The following CYP2A7 variants were observed in gnomAD, a reference collection of about 807,000 sequenced individuals.
CYP2A7 encodes cytochrome P450 2A7.
Under a neutral mutation model 42.0 loss-of-function variants are expected in CYP2A7, and 36 were observed. That is an observed-to-expected ratio of 0.86 (90% CI 0.66 to 1.13). The LOEUF is 1.13. Ranked by LOEUF, CYP2A7 falls within the 50% of genes most tolerant of loss-of-function variation. The pLI, the probability that CYP2A7 is intolerant of heterozygous loss-of-function variation, is 0.00. For synonymous variants in CYP2A7, 260 were observed against 249.5 expected, an observed-to-expected ratio of 1.04 and a Z score of -0.40; for missense variants, 661 against 634.1, an observed-to-expected ratio of 1.04 and a Z score of -0.46.
rs369523716 is a variant in CYP2A7 at position 40,881,278 on chromosome 19, A to G, written c.343+311T>C. ...GAGAGCAACAAAAAGACAAATGAAG[A>G]CAGAGGACCAGGGCTGGAAAACAGA... On this transcript the variant is annotated intron_variant, in intron 2 of 8. Coordinates refer to ENST00000301146, the MANE Select transcript of CYP2A7 (RefSeq NM_000764.3). Among the ~76,000 whole-genome samples, 5 of 151,606 alleles carry G rather than the reference A, an allele frequency of 3.3e-5. No homozygotes were observed. The East Asian group carries it at 5.8e-4, about 18-fold the overall frequency.
Position 40,875,633 on chromosome 19 carries a change from C to A in CYP2A7, c.*60G>T. 6.2e-7 allele frequency: 1 copy of A among 1,610,254 alleles called. No individual in the cohort carries two copies. The highest frequency in any genetic ancestry group is 1.1e-5 in the South Asian group (1 of 90,824). Reference sequence around the variant, plus strand: ...TTATACCCGCCTCTTCCGCGAACCCCGCCCTGACCCCGCCTTTCCCTGGCC... The same window carrying A: ...TTATACCCGCCTCTTCCGCGAACCCAGCCCTGACCCCGCCTTTCCCTGGCC... On this transcript the variant is annotated 3_prime_UTR_variant, in exon 9 of 9. Coordinates refer to ENST00000301146, the MANE Select transcript of CYP2A7 (RefSeq NM_000764.3).
rs1321256557 is a variant in CYP2A7 at position 40,882,021 on chromosome 19, C to T, written c.180+10G>A. On this transcript the variant is annotated intron_variant, in intron 1 of 8. Coordinates refer to ENST00000301146, the MANE Select transcript of CYP2A7 (RefSeq NM_000764.3). ...CACCCTGTGCCACCCATCTTCCTGC[C>T]TTGGGACACCTTCATGATGGAGTCA... The T allele has an allele frequency of 6.2e-7, 1 of 1,610,136 alleles. No individual in the cohort carries two copies.
Position 40,878,756 on chromosome 19 carries a change from G to A in CYP2A7, c.831+4C>T. 1 of 1,611,388 alleles carries A rather than the reference G, an allele frequency of 6.2e-7. No homozygotes were observed. The highest frequency in any genetic ancestry group is 8.5e-7 in the Non-Finnish European group (1 of 1,178,200). Reference sequence around the variant, plus strand: ...ACCTCCCCGCACTGGCTGCTGGGGTGTACCTCCTGCATGTGGATGAGAAAG... The same window carrying A: ...ACCTCCCCGCACTGGCTGCTGGGGTATACCTCCTGCATGTGGATGAGAAAG... On this transcript the variant is annotated splice_donor_region_variant and intron_variant, in intron 5 of 8. Coordinates refer to ENST00000301146, the MANE Select transcript of CYP2A7 (RefSeq NM_000764.3).
chr19:40,877,727 C>T (rs1341238059), intron 6 of CYP2A7, 125 bp downstream of exon 6: 36 of 1,375,464 alleles, frequency 2.6e-5, no homozygotes, highest in Non-Finnish European at 3.5e-5. Context: ...TGAATGTTGC[C>T]CTGTCTCTGG....
At position 40,877,314 on chromosome 19, in the gene CYP2A7, C is replaced by G; in HGVS notation, c.1037G>C (p.Arg346Pro). ...TGCCTCCATGTAGGGCATCTTGGTC[C>G]GGTCCTCAAACTTGGGCTGCCGGTT... ...GKNRQPKFED[R>P]TKMPYMEAVI... Residue 346 changes from arginine (R) to proline (P), a missense_variant, in exon 7 of 9, where the codon CGG becomes CCG. Physicochemically the swap from Arg to Pro is moderately radical, Grantham distance 103 (BLOSUM62 -2). Coordinates refer to ENST00000301146, the MANE Select transcript of CYP2A7 (RefSeq NM_000764.3). 3 of 1,612,742 alleles carry G rather than the reference C, an allele frequency of 1.9e-6. No individual in the cohort carries two copies. Among genetic ancestry groups the G allele is most frequent in the East Asian group, 2.2e-5 (1 of 44,872 alleles).
At position 40,880,536 on chromosome 19, in the gene CYP2A7, C is replaced by T. The variant is rs549997563; in HGVS notation, c.436G>A (p.Glu146Lys). 8 of 1,611,924 alleles carry T rather than the reference C, an allele frequency of 5.0e-6. No homozygotes were observed. Among genetic ancestry groups the T allele is most frequent in the African/African-American group, 1.3e-5 (1 of 74,698 alleles). The change falls in exon 3 of 9, where the codon GAG becomes AAG. Residue 146 changes from glutamate (E) to lysine (K), a missense_variant. Glu to Lys is a moderately conservative substitution (Grantham distance 56). This residue lies in a region of CYP2A7 where 614 missense variants were observed against 552.4 expected (regional missense o/e 1.11). Transcript: ENST00000301146. ...CCCGACTCCTCCTGGATGCGCTCCTCGATGCCTCGCTTGCCCACCCCGAAG... is the reference window on the plus strand; with the variant it reads ...CCCGACTCCTCCTGGATGCGCTCCTTGATGCCTCGCTTGCCCACCCCGAAG... ...RDFGVGKRGI[E>K]ERIQEESGFL... is the part of the protein sequence containing the mutation.
rs773851050 is a variant in CYP2A7 at position 40,880,228 on chromosome 19, G to A, written c.510C>T (p.Pro170=). The A allele has an allele frequency of 1.9e-6, 3 of 1,612,784 alleles. No homozygotes were observed. The highest frequency in any genetic ancestry group is 2.7e-5 in the African/African-American group (2 of 74,856). ...IRSTHGANID[P]TFFLSRTVSN... ...AGACTGTGCGGCTCAGGAAGAAGGT[G>A]GGATCGATATTGGCGCCTGCGGGTG... The change falls in exon 4 of 9, where the codon CCC becomes CCT. Residue 170 remains proline, a synonymous_variant. Transcript: ENST00000301146.
rs377749463 is a variant in CYP2A7, at chr19:40,877,852, C to T, written c.973G>A (p.Ala325Thr). ...CACTTCCGTCCCCCTCCAGCCTTAC[C>T]CTCCACCTCTGGGTGCTTCATGAGC... ...LLLMKHPEVE[A>T]KVHEEIDRVI... is the part of the protein sequence containing the mutation. Residue 325 changes from alanine to threonine, a missense_variant and splice_region_variant, in exon 6 of 9, where the codon GCC becomes ACC. Physicochemically the swap from Ala to Thr is moderately conservative, Grantham distance 58. This residue lies in a region of CYP2A7 where 614 missense variants were observed against 552.4 expected (regional missense o/e 1.11). Transcript: ENST00000301146. The T allele has an allele frequency of 1.9e-5, 31 of 1,603,474 alleles. 2 individuals carry two copies. The highest frequency in any genetic ancestry group is 2.5e-5 in the Non-Finnish European group (29 of 1,175,582).
At chr19:40,878,593 C>T (rs1041262346) in intron 5 of CYP2A7, among the ~76,000 whole-genome samples, 167 bp downstream of exon 5, 5 of 151,782 alleles carry the variant, frequency 3.3e-5, no homozygotes, top group African/African-American at 1.2e-4. Flanking sequence ...CCTCGGCCTC[C>T]CAAAGTGCTG....
At chr19:40,878,658 A>C in intron 5 of CYP2A7, 102 bp downstream of exon 5, 1 of 1,479,488 alleles carries the variant, frequency 6.8e-7, no homozygotes, top group African/African-American at 1.4e-5. Flanking sequence ...TATTATGATG[A>C]GGGCTAATTT....
chr19:40,878,656 T>C (rs1010642144), intron 5 of CYP2A7, 104 bp downstream of exon 5: 12 of 1,476,374 alleles, frequency 8.1e-6, no homozygotes, highest in Non-Finnish European at 1.1e-5. Flanking sequence ...ATTATTATGA[T>C]GAGGGCTAAT....
At position 40,881,702 on chromosome 19, in the gene CYP2A7, C is replaced by T. The variant is rs200248426; in HGVS notation, c.230G>A (p.Arg77Gln). 8.1e-6 allele frequency: 13 copies of T among 1,612,518 alleles called. No individual in the cohort carries two copies. Among genetic ancestry groups the T allele is most frequent in the African/African-American group, 5.3e-5 (4 of 74,978 alleles). ...ATCATGTCCACACAGCACCACGACCCGCCGGGGCCCCAAGTGAATGGTGAA... is the reference window on the plus strand; with the variant it reads ...ATCATGTCCACACAGCACCACGACCTGCCGGGGCCCCAAGTGAATGGTGAA... ...PVFTIHLGPR[R>Q]VVVLCGHDAV... Residue 77 changes from arginine (R) to glutamine (Q), a missense_variant, in exon 2 of 9, where the codon CGG becomes CAG. Physicochemically the swap from Arg to Gln is conservative, Grantham distance 43 (BLOSUM62 1). Coordinates refer to ENST00000301146, the MANE Select transcript of CYP2A7 (RefSeq NM_000764.3).
intron 4 of CYP2A7, among the ~76,000 whole-genome samples, chr19:40,879,376 G>A (rs939104058): frequency 1.3e-5 from 2 of 151,694 alleles, no homozygotes; most frequent in Non-Finnish European, 2.9e-5. Context: ...TGGATTGGGG[G>A]CTTTTGTTCA....
chr19:40,881,703 G>A lies in CYP2A7; in HGVS notation c.229C>T (p.Arg77Trp), dbSNP rs534988246. 5.0e-6 allele frequency: 8 copies of A among 1,612,206 alleles called. No individual in the cohort carries two copies. The highest frequency in any genetic ancestry group is 1.7e-4 in the Middle Eastern group (1 of 5,812). ...PVFTIHLGPRRVVVLCGHDAV... is the reference protein window; with the variant it reads ...PVFTIHLGPRWVVVLCGHDAV... ...TCATGTCCACACAGCACCACGACCC[G>A]CCGGGGCCCCAAGTGAATGGTGAAC... Residue 77 changes from arginine to tryptophan, a missense_variant, in exon 2 of 9, where the codon CGG (arginine) becomes TGG (tryptophan). Coordinates refer to ENST00000301146, the MANE Select transcript of CYP2A7 (RefSeq NM_000764.3).
Position 40,878,911 on chromosome 19 carries a change from A to G in CYP2A7, c.680T>C (p.Met227Thr). ...TTGCTGTGGTCCTGGCAGGTGTTTC[A>G]TCACCGAAGAGAACATCTCATAGAG... ...GQLYEMFSSV[M>T]KHLPGPQQQA... Residue 227 changes from methionine to threonine, a missense_variant, in exon 5 of 9, where the codon ATG becomes ACG. Coordinates refer to ENST00000301146, the MANE Select transcript of CYP2A7 (RefSeq NM_000764.3). The G allele has an allele frequency of 6.2e-7, 1 of 1,610,010 alleles. No homozygotes were observed. The highest frequency in any genetic ancestry group is 1.1e-5 in the South Asian group (1 of 90,856).
Position 40,882,106 on chromosome 19 carries a change from C to A in CYP2A7, c.105G>T (p.Pro35=). Residue 35 remains proline, a synonymous_variant, in exon 1 of 9, where the codon CCG becomes CCT. Coordinates refer to ENST00000301146, the MANE Select transcript of CYP2A7 (RefSeq NM_000764.3). ...QQRKSRGKLP[P]GPTPLPFIGN... ...CAATGAAGGGCAGTGGGGTGGGTCC[C>A]GGAGGCAGCTTCCCCCTGCTCTTCC... 6.2e-7 allele frequency: 1 copy of A among 1,613,940 alleles called. No individual in the cohort carries two copies. Among genetic ancestry groups the A allele is most frequent in the Non-Finnish European group, 8.5e-7 (1 of 1,179,886 alleles).
At position 40,880,411 on chromosome 19, in the gene CYP2A7, A is replaced by C. The variant is rs545608187; in HGVS notation, c.493+68T>G. On this transcript the variant is annotated intron_variant, in intron 3 of 8. Transcript: ENST00000301146. ...CACCTAGTCCCCATCCGCAGGCAGA[A>C]CGCGCGCGGGTTCCTCGTCCTGGGT... 1.1e-4 allele frequency: 173 copies of C among 1,577,356 alleles called. 2 individuals carry two copies. The East Asian group carries it at 3.9e-3, about 35-fold the overall frequency.
Position 40,882,137 on chromosome 19 carries a change from T to C in CYP2A7, c.74A>G (p.Gln25Arg), listed in dbSNP as rs745787507. The part of the protein sequence containing the change: ...LTVMVLMSVW[Q>R]QRKSRGKLPP... The stretch of plus-strand genomic sequence containing the variant: ...CAGCTTCCCCCTGCTCTTCCTCTGC[T>C]GCCAGACAGACATCAAGACCATCAC... The change falls in exon 1 of 9, where the codon CAG becomes CGG. Residue 25 changes from glutamine to arginine, a missense_variant. By Grantham distance (43) the Gln-to-Arg change is conservative. Transcript: ENST00000301146. 7 of 1,613,964 alleles carry C rather than the reference T, an allele frequency of 4.3e-6. No individual in the cohort carries two copies. In the Admixed American group the frequency reaches 6.7e-5, roughly 15 times the overall value.
In CYP2A7 at chr19:40,880,039, G is replaced by A. The variant is rs768157755; in HGVS notation, c.654+45C>T. ...CTGTCTCCAGGTAGGGGAGCAGTTG[G>A]CAGGTTGTGGTAGGGGCGTCACGGG... On this transcript the variant is annotated intron_variant, in intron 4 of 8. Coordinates refer to ENST00000301146, the MANE Select transcript of CYP2A7 (RefSeq NM_000764.3). 2.7e-5 allele frequency: 44 copies of A among 1,603,622 alleles called. No homozygotes were observed. In the Admixed American group the frequency reaches 7.0e-4, roughly 26 times the overall value.
Sources: allele counts gnomAD v4.1 joint callset (sites outside exome capture counted in the v4.1 genomes callset), GRCh38; gene constraint gnomAD v4.1.1; regional missense constraint gnomAD v4.1.1; transcripts MANE v1.5; gene names NCBI Gene and HGNC (gene_info 2026-07-23, HGNC 2026-07-21).